The following HERC2 variants were observed in gnomAD, a reference collection of about 807,000 sequenced individuals.
The protein encoded by HERC2 is E3 ubiquitin-protein ligase HERC2.
HERC2 carries 102 observed loss-of-function variants against 537.7 expected under a neutral mutation model. The ratio of observed to expected loss-of-function variants is 0.19; its 90% CI spans 0.16 to 0.22. HERC2 has a LOEUF of 0.22. Among genes scored for constraint, HERC2 ranks in the 10% least tolerant of loss-of-function variants. The probability of loss-of-function intolerance (pLI) is 1.00; values close to 1 mark genes in which losing one functional copy is unlikely to be tolerated. For synonymous variants in HERC2, 2,224 were observed against 2,466.2 expected, an observed-to-expected ratio of 0.90 and a Z score of 2.91; for missense variants, 4,236 against 6,198.2, an observed-to-expected ratio of 0.68 and a Z score of 10.63.
intron 59 of HERC2, 133 bp downstream of exon 59, chr15:28,178,754 T>C (rs1160462291): frequency 2.9e-6 from 3 of 1,023,274 alleles, no homozygotes; most frequent in Non-Finnish European, 4.1e-6. Context: ...CCTAGAGATT[T>C]ACATTATCCA....
intron 70 of HERC2, among the ~76,000 whole-genome samples, chr15:28,147,083 GGT>G (rs1891827389): frequency 6.8e-6 from 1 of 146,614 alleles, no homozygotes; most frequent in African/African-American, 2.6e-5. Context: ...GCTAGTATGT[GGT>G]TGCTAGGATG....
rs144750946 is a variant in HERC2 at position 28,228,240 on chromosome 15, C to T, written c.5442G>A (p.Thr1814=). 6.2e-7 allele frequency: 1 copy of T among 1,613,606 alleles called. No homozygotes were observed. Among genetic ancestry groups the T allele is most frequent in the Non-Finnish European group, 8.5e-7 (1 of 1,179,856 alleles). ...TACCAATCAGGCGCAGTGCCGTCTG[C>T]GTGAGGGCCAGCATGCCGGAATTGA... The part of the protein sequence containing the change: ...LLLNSGMLAL[T]QTALRLIGPS... Residue 1814 remains threonine, a synonymous_variant, in exon 35 of 93, where the codon ACG becomes ACA. Coordinates refer to ENST00000261609, the MANE Select transcript of HERC2 (RefSeq NM_004667.6).
intron 16 of HERC2, among the ~76,000 whole-genome samples, chr15:28,258,020 TAA>T (rs1167582459): frequency 6.6e-6 from 1 of 152,076 alleles, no homozygotes; most frequent in Non-Finnish European, 1.5e-5. Context: ...GAATGTTCAC[TAA>T]GAGAGAACAT....
chr15:28,295,938 C>G (rs1249307791), intron 3 of HERC2, among the ~76,000 whole-genome samples: 1 of 151,624 alleles, frequency 6.6e-6, no homozygotes, highest in African/African-American at 2.4e-5. Context: ...ACTATCTGGC[C>G]CTTTACAGAA....
chr15:28,176,597 A>C lies in HERC2; in HGVS notation c.9517T>G (p.Leu3173Val). The C allele has an allele frequency of 6.2e-7, 1 of 1,614,098 alleles. No individual in the cohort carries two copies. Among genetic ancestry groups the C allele is most frequent in the Non-Finnish European group, 8.5e-7 (1 of 1,180,010 alleles). Residue 3173 changes from leucine (L) to valine (V), a missense_variant and splice_region_variant, in exon 63 of 93, where the codon TTG becomes GTG. By Grantham distance (32) the Leu-to-Val change is conservative. This residue lies in a region of HERC2 where 93 missense variants were observed against 265.1 expected (regional missense o/e 0.35). Coordinates refer to ENST00000261609, the MANE Select transcript of HERC2 (RefSeq NM_004667.6). This position sits in a 1 kb window ranked among gnomAD's most constrained non-coding sequence, Gnocchi z 5.0. ...TCACCATCACCCCAGGAAAATACCA[A>C]ACCTAGGTTTAAGAAACACATATAC... ...AQTLALTDEG[L>V]VFSWGDGDFG... is the part of the protein sequence containing the mutation.
rs751705631 is a variant in HERC2, at chr15:28,174,543, C to T, written c.9909G>A (p.Val3303=). 4.1e-5 allele frequency: 66 copies of T among 1,613,870 alleles called. No individual in the cohort carries two copies. Among genetic ancestry groups the T allele is most frequent in the Non-Finnish European group, 5.1e-5 (60 of 1,179,896 alleles). ...TGATCTTCTGGCCTTCTAAGCCTTGCACGAGTGTGGGCTTCCTGTTAACCG... is the reference window on the plus strand; with the variant it reads ...TGATCTTCTGGCCTTCTAAGCCTTGTACGAGTGTGGGCTTCCTGTTAACCG... ...TTTVNRKPTL[V]QGLEGQKITR... Residue 3303 remains valine, a synonymous_variant, in exon 65 of 93, where the codon GTG becomes GTA. Coordinates refer to ENST00000261609, the MANE Select transcript of HERC2 (RefSeq NM_004667.6).
chr15:28,173,791 CA>C (rs756958450), intron 65 of HERC2, among the ~76,000 whole-genome samples: 131 of 70,908 alleles, frequency 1.8e-3, no homozygotes, highest in Middle Eastern at 6.8e-3. Flanking sequence ...ACCCTGTCTA[CA>C]AAAAAAAAAA....
At position 28,176,869 on chromosome 15, in the gene HERC2, T is replaced by C. The variant is rs1895340228; in HGVS notation, c.9432+81A>G. On this transcript the variant is annotated intron_variant, in intron 61 of 92. Transcript: ENST00000261609. This position sits in a 1 kb window ranked among gnomAD's most constrained non-coding sequence, Gnocchi z 5.0. ...CAACCATGCACACATCTTTATGAAC[T>C]TTCCTAGACTTGAAGCTTATTTTCT... 6.3e-7 allele frequency: 1 copy of C among 1,579,764 alleles called. No individual in the cohort carries two copies. Among genetic ancestry groups the C allele is most frequent in the Non-Finnish European group, 8.7e-7 (1 of 1,155,332 alleles).
intron 45 of HERC2, among the ~76,000 whole-genome samples, chr15:28,205,137 T>C (rs1360617763): frequency 6.6e-6 from 1 of 152,044 alleles, no homozygotes; most frequent in Non-Finnish European, 1.5e-5. Flanking sequence ...AGACATTTCA[T>C]GAAAAAGAAG....
chr15:28,117,902 T>C (rs760567619), intron 86 of HERC2: 1 of 280,166 alleles, frequency 3.6e-6, no homozygotes, highest in Non-Finnish European at 7.0e-6. Context: ...TGCATCAGAA[T>C]CATCTGGGAA....
chr15:28,278,525 C>G (rs762811321), intron 5 of HERC2, among the ~76,000 whole-genome samples: 1 of 151,688 alleles, frequency 6.6e-6, no homozygotes, highest in Non-Finnish European at 1.5e-5. Context: ...CCAATATTTT[C>G]GATCCATAGT....
intron 65 of HERC2, among the ~76,000 whole-genome samples, chr15:28,171,711 A>C (rs1010507342): frequency 4.6e-5 from 7 of 152,336 alleles, no homozygotes; most frequent in African/African-American, 1.7e-4. Flanking sequence ...CATACAGAAG[A>C]AATGATATTT....
Position 28,224,134 on chromosome 15 carries a change from T to TACACACACACAC in HERC2, c.5465-1931_5465-1920dup, listed in dbSNP as rs35809371. On this transcript the variant is annotated intron_variant, in intron 35 of 92. Transcript: ENST00000261609. ...TATAAATATATAAATTAAAAAATTATACACACACACACACCCACACACACA... is the reference window on the plus strand; with the variant it reads ...TATAAATATATAAATTAAAAAATTATACACACACACACACACACACACACACCCACACACACA... Among the ~76,000 whole-genome samples the TACACACACACAC allele has an allele frequency of 2.3e-3, 13 of 5,758 alleles. No individual in the cohort carries two copies. In the South Asian group the frequency reaches 0.027, roughly 12 times the overall value. 3.8% of individuals were successfully genotyped at this position (5,758 alleles called of 152,430 possible). A position where few individuals can be genotyped will look rare whatever the true frequency, so the allele number is the denominator to read the frequency against.
At chr15:28,305,393 T>C (rs9744809) in intron 2 of HERC2, among the ~76,000 whole-genome samples, 1 of 149,706 alleles carries the variant, frequency 6.7e-6, no homozygotes, top group Non-Finnish European at 1.5e-5. Flanking sequence ...AACTATCTGA[T>C]CTTTGACAAA....
intron 65 of HERC2, among the ~76,000 whole-genome samples, chr15:28,169,979 G>C (rs1310545411): frequency 2.6e-5 from 4 of 152,106 alleles, no homozygotes; most frequent in African/African-American, 4.8e-5. Context: ...TCTTACCCCG[G>C]TAAGACAAGA....
intron 74 of HERC2, 84 bp from the exon 75 acceptor site, chr15:28,143,036 A>ATTATGT: frequency 7.4e-7 from 1 of 1,353,180 alleles, no homozygotes; most frequent in Non-Finnish European, 1.0e-6. Flanking sequence ...CAAATGTTTT[A>ATTATGT]TTATGTTGGT....
At chr15:28,144,857 C>T in intron 71 of HERC2, 53 bp from the exon 72 acceptor site, 1 of 1,610,322 alleles carries the variant, frequency 6.2e-7, no homozygotes. Flanking sequence ...ATCCAATCAA[C>T]ACAAACCTTC....
At chr15:28,182,549 A>G (rs970795709) in intron 56 of HERC2, 37 bp from the exon 57 acceptor site, 7 of 1,437,638 alleles carry the variant, frequency 4.9e-6, no homozygotes, top group Non-Finnish European at 6.8e-6. Context: ...AAGAAAAGAG[A>G]GGTTATTCAG....
chr15:28,120,938 C>T (rs145124816), intron 86 of HERC2, among the ~76,000 whole-genome samples: 1 of 152,298 alleles, frequency 6.6e-6, no homozygotes, highest in East Asian at 1.9e-4. Flanking sequence ...CAAGCAGCCC[C>T]ACAGGACCCT....
Sources: gnomAD v4.1 joint callset for allele counts (sites outside exome capture counted in the v4.1 genomes callset) on GRCh38, gnomAD v4.1.1 for gene constraint, gnomAD v4.1.1 regional missense constraint, Gnocchi (gnomAD v3.1) non-coding constraint, MANE v1.5 for transcripts, NCBI Gene and HGNC (gene_info 2026-07-23, HGNC 2026-07-21) for gene names.